Variants in ATXN2 observed in about 807,000 individuals in gnomAD.
ATXN2 encodes ataxin 2.
In ATXN2, 37 loss-of-function variants were observed where a neutral mutation model predicts 138.6. The observed-to-expected ratio is 0.27, with a 90% CI of 0.21 to 0.35. The LOEUF (loss-of-function observed/expected upper bound fraction) is 0.35. Ranked by LOEUF, ATXN2 falls within the 10% of genes least tolerant of loss-of-function variation. ATXN2 has a pLI of 1.00. For synonymous variants in ATXN2, 549 were observed against 543.7 expected (o/e 1.01, Z -0.13); for missense variants, 1,216 against 1,480.3 (o/e 0.82, Z 2.93).
chr12:111,544,218 C>A (rs932591751), intron 5 of ATXN2, among the ~76,000 whole-genome samples: 4 of 152,168 alleles, frequency 2.6e-5, no homozygotes, highest in Non-Finnish European at 5.9e-5. Flanking sequence ...AAAATAGATT[C>A]TTGTATTTCT....
At position 111,598,963 on chromosome 12, in the gene ATXN2, CTGCTGCTGCTGCTGT is replaced by C. The variant is rs749747800; in HGVS notation, c.57_71del (p.Gln24_Gln28del). 82 of 1,502,554 alleles carry C rather than the reference CTGCTGCTGCTGCTGT, an allele frequency of 5.5e-5. No homozygotes were observed. The East Asian group carries it at 6.4e-4, about 12-fold the overall frequency. The allele number at this position is 1,502,554 out of a possible 1,614,324, so 93.1% of individuals were successfully genotyped here. A position where few individuals can be genotyped will look rare whatever the true frequency, so the allele number is the denominator to read the frequency against. On this transcript the variant is annotated inframe_deletion, in exon 1 of 25. Transcript: ENST00000673436. This position sits in a 1 kb window ranked among gnomAD's most constrained non-coding sequence, Gnocchi z 4.5. ...CCGCGGGCGGCGGCTGCTGCTGCTG[CTGCTGCTGCTGCTGT>C]TGCTGCTGCTGCTGCTGCTGCTGCT...
At chr12:111,536,251 T>C (rs933697063) in intron 5 of ATXN2, among the ~76,000 whole-genome samples, 1 of 152,332 alleles carries the variant, frequency 6.6e-6, no homozygotes, top group South Asian at 2.1e-4. Context: ...AATATTTGCC[T>C]TGGTGGAAGA....
chr12:111,553,572 C>CAA (rs757837884), intron 3 of ATXN2, among the ~76,000 whole-genome samples: 608 of 48,582 alleles, frequency 0.013, 2 homozygotes, highest in Non-Finnish European at 0.018. Context: ...TCTTTTTTCT[C>CAA]AAAAAAAAAA....
At chr12:111,573,775 G>A (rs1883470024) in intron 1 of ATXN2, among the ~76,000 whole-genome samples, 1 of 151,570 alleles carries the variant, frequency 6.6e-6, no homozygotes, top group South Asian at 2.1e-4. Flanking sequence ...AACCTAATAG[G>A]CACACAATAA....
chr12:111,491,542 T>C (rs1040890517), intron 14 of ATXN2, among the ~76,000 whole-genome samples: 7 of 152,164 alleles, frequency 4.6e-5, no homozygotes, highest in African/African-American at 1.7e-4. Flanking sequence ...TGTCTTGCAA[T>C]GTGGATACTA....
Position 111,599,137 on chromosome 12 carries a change from C to A in ATXN2, c.-103G>T. ...GCGGCGGGGACGCGCGGGCGCCGAGCGGGGAGGCGCGGGTTGGCGCGGCCG... is the reference window on the plus strand; with the variant it reads ...GCGGCGGGGACGCGCGGGCGCCGAGAGGGGAGGCGCGGGTTGGCGCGGCCG... On this transcript the variant is annotated 5_prime_UTR_variant, in exon 1 of 25. Transcript: ENST00000673436. 1.6e-6 allele frequency: 2 copies of A among 1,216,364 alleles called. No homozygotes were observed. Among genetic ancestry groups the A allele is most frequent in the East Asian group, 3.4e-5 (1 of 29,700 alleles). 75.3% of individuals were successfully genotyped at this position (1,216,364 alleles called of 1,614,324 possible). A position where few individuals can be genotyped will look rare whatever the true frequency, so the allele number is the denominator to read the frequency against.
At chr12:111,513,185 T>A (rs1879645607) in intron 11 of ATXN2, 172 bp downstream of exon 11, 2 of 679,004 alleles carry the variant, frequency 2.9e-6, no homozygotes, top group Non-Finnish European at 2.3e-6. Context: ...TAATATATGA[T>A]GAATAAGTGG....
chr12:111,498,897 C>T (rs562411383), intron 14 of ATXN2, among the ~76,000 whole-genome samples: 1 of 152,088 alleles, frequency 6.6e-6, no homozygotes, highest in Admixed American at 6.6e-5. Context: ...TGAATCCATA[C>T]GTCTAAGTGA....
At chr12:111,484,239 A>G (rs1402746990) in intron 18 of ATXN2, among the ~76,000 whole-genome samples, 5 of 152,074 alleles carry the variant, frequency 3.3e-5, no homozygotes, top group Non-Finnish European at 7.4e-5. Context: ...TTCAAATTTA[A>G]GTTCAGATTT....
intron 1 of ATXN2, among the ~76,000 whole-genome samples, chr12:111,571,905 G>A (rs1264423975): frequency 1.3e-5 from 2 of 151,304 alleles, no homozygotes; most frequent in African/African-American, 2.4e-5. Context: ...CCAGTTACTC[G>A]GGAAGCTGAG....
intron 11 of ATXN2, 59 bp downstream of exon 11, chr12:111,513,298 T>C (rs1042400372): frequency 6.4e-7 from 1 of 1,564,520 alleles, no homozygotes; most frequent in Non-Finnish European, 8.7e-7. Flanking sequence ...AGCTCAGCCC[T>C]CTTTATATCT....
chr12:111,576,873 G>C (rs1178936753), intron 1 of ATXN2, among the ~76,000 whole-genome samples: 1 of 151,810 alleles, frequency 6.6e-6, no homozygotes, highest in Non-Finnish European at 1.5e-5. Flanking sequence ...CAGGAGAATG[G>C]CATGAACCTG....
At chr12:111,591,479 G>A (rs895435536) in intron 1 of ATXN2, among the ~76,000 whole-genome samples, 2 of 151,928 alleles carry the variant, frequency 1.3e-5, no homozygotes, top group Admixed American at 1.3e-4. Context: ...AGACCAATCT[G>A]GGCAACATGG....
intron 5 of ATXN2, among the ~76,000 whole-genome samples, chr12:111,536,545 T>C (rs537149201): frequency 3.5e-4 from 54 of 152,182 alleles, no homozygotes; most frequent in Middle Eastern, 3.4e-3. Context: ...CTATGTAGGA[T>C]TGTAAAATGA....
At chr12:111,528,897 C>G (rs2135751938) in intron 5 of ATXN2, among the ~76,000 whole-genome samples, 1 of 152,324 alleles carries the variant, frequency 6.6e-6, no homozygotes. Context: ...ATAATATCCA[C>G]TATCGTAAAT....
At chr12:111,522,922 T>C (rs1048673800) in intron 6 of ATXN2, among the ~76,000 whole-genome samples, 2 of 147,632 alleles carry the variant, frequency 1.4e-5, no homozygotes, top group Non-Finnish European at 3.0e-5. Flanking sequence ...TCAAAAAGAG[T>C]TTCTTGGGTG....
intron 14 of ATXN2, among the ~76,000 whole-genome samples, chr12:111,498,690 T>C (rs1878577284): frequency 6.6e-6 from 1 of 152,050 alleles, no homozygotes; most frequent in South Asian, 2.1e-4. Context: ...CCAATGACAT[T>C]CCTCACAGAA....
intron 18 of ATXN2, among the ~76,000 whole-genome samples, chr12:111,477,319 C>T (rs538428635): frequency 6.6e-6 from 1 of 152,036 alleles, no homozygotes; most frequent in East Asian, 1.9e-4. Flanking sequence ...CACTACTGCA[C>T]TCCAGCCTGG....
chr12:111,495,016 A>T (rs867077064), intron 14 of ATXN2, among the ~76,000 whole-genome samples: 8 of 152,104 alleles, frequency 5.3e-5, no homozygotes, highest in Admixed American at 6.5e-5. Flanking sequence ...AAATGGATTT[A>T]AAAAAAAGGC....
Sources: allele counts gnomAD v4.1 joint callset (sites outside exome capture counted in the v4.1 genomes callset), GRCh38; gene constraint gnomAD v4.1.1; non-coding constraint Gnocchi (gnomAD v3.1); transcripts MANE v1.5; gene names NCBI Gene and HGNC (gene_info 2026-07-23, HGNC 2026-07-21).